RNMT: variants seen among roughly 807,000 people sequenced by gnomAD.
The protein encoded by RNMT is RNA guanine-7 methyltransferase.
A neutral mutation model predicts 56.0 loss-of-function variants in RNMT; 27 were observed. The ratio of observed to expected loss-of-function variants is 0.48; its 90% CI spans 0.36 to 0.67. RNMT has a LOEUF of 0.67. Among genes scored for constraint, RNMT ranks in the 30% least tolerant of loss-of-function variants. The pLI is 0.00. For synonymous variants in RNMT, 184 were observed against 176.2 expected, an observed-to-expected ratio of 1.04 and a Z score of -0.35; for missense variants, 519 against 552.1, an observed-to-expected ratio of 0.94 and a Z score of 0.60.
At chr18:13,734,802 C>T (rs1210227537) in intron 4 of RNMT, among the ~76,000 whole-genome samples, 13 of 151,928 alleles carry the variant, frequency 8.6e-5, no homozygotes, top group Non-Finnish European at 1.6e-4. Flanking sequence ...TTTTAATGCA[C>T]AGAATTAAGG....
In RNMT at chr18:13,763,411, C is replaced by T. The variant is rs189198164; in HGVS notation, c.*3432C>T. 6.1e-4 allele frequency: 151 copies of T among 248,142 alleles called. No individual in the cohort carries two copies. Among genetic ancestry groups the T allele is most frequent in the African/African-American group, 3.0e-3 (139 of 45,612 alleles). The allele number at this position is 248,142 out of a possible 1,614,324, so 15.4% of individuals were successfully genotyped here. On this transcript the variant is annotated 3_prime_UTR_variant, in exon 12 of 12. Coordinates refer to ENST00000383314, the MANE Select transcript of RNMT (RefSeq NM_003799.3). ...CCCACTCCTTAGTGCCTGCACCTCA[C>T]CACGATATTGAGGAAGCACAGGACA...
In RNMT at chr18:13,761,896, C is replaced by T; in HGVS notation, c.*1917C>T. 27 of 1,025,710 alleles carry T rather than the reference C, an allele frequency of 2.6e-5. No individual in the cohort carries two copies. The highest frequency in any genetic ancestry group is 1.3e-4 in the Admixed American group (2 of 15,198). 63.5% of individuals were successfully genotyped at this position (1,025,710 alleles called of 1,614,324 possible). On this transcript the variant is annotated 3_prime_UTR_variant, in exon 12 of 12. Transcript: ENST00000383314. ...GTGTCTCCTTGTTACAATTAAGTTT[C>T]TGGATATTGACTTAAGAACTGTTAG...
chr18:13,755,926 A>G (rs1250950001), intron 11 of RNMT, among the ~76,000 whole-genome samples: 1 of 152,214 alleles, frequency 6.6e-6, no homozygotes, highest in Non-Finnish European at 1.5e-5. Flanking sequence ...GCCCCAGACA[A>G]TTGGAAGAGA....
chr18:13,747,861 T>A (rs1420444525), intron 9 of RNMT, among the ~76,000 whole-genome samples: 1 of 152,210 alleles, frequency 6.6e-6, no homozygotes, highest in African/African-American at 2.4e-5. Flanking sequence ...CAAAACTATG[T>A]GTGGATAAGT....
In RNMT at chr18:13,737,152, T is replaced by C. The variant is rs746592855; in HGVS notation, c.679+17T>C. On this transcript the variant is annotated intron_variant, in intron 5 of 11. Transcript: ENST00000383314. ...TTTGTACTGGTAAGATAAATAATGATATGGGAAAGAATAATTTGTAGTCAG... is the reference window on the plus strand; with the variant it reads ...TTTGTACTGGTAAGATAAATAATGACATGGGAAAGAATAATTTGTAGTCAG... 1.9e-6 allele frequency: 3 copies of C among 1,568,520 alleles called. No homozygotes were observed. The Admixed American group carries it at 5.4e-5, about 28-fold the overall frequency.
chr18:13,742,351 AAAG>A lies in RNMT; in HGVS notation c.975-136_975-134del, dbSNP rs1468349002. 7 of 707,564 alleles carry A rather than the reference AAAG, an allele frequency of 9.9e-6. No individual in the cohort carries two copies. The South Asian group carries it at 1.1e-4, about 12-fold the overall frequency. 43.8% of individuals were successfully genotyped at this position (707,564 alleles called of 1,614,324 possible). A position where few individuals can be genotyped will look rare whatever the true frequency, so the allele number is the denominator to read the frequency against. ...CCTTGTCACTTTAAAAAAAAAAAAA[AAAG>A]GTAGCCCAGATATAATTAAAAGGCT... On this transcript the variant is annotated intron_variant, in intron 7 of 11. Coordinates refer to ENST00000383314, the MANE Select transcript of RNMT (RefSeq NM_003799.3).
intron 5 of RNMT, among the ~76,000 whole-genome samples, chr18:13,739,956 C>T (rs2044225076): frequency 6.6e-6 from 1 of 152,142 alleles, no homozygotes; most frequent in Non-Finnish European, 1.5e-5. Flanking sequence ...ACTTTTATAG[C>T]GTCCGTACCT....
intron 8 of RNMT, 64 bp from the exon 9 acceptor site, chr18:13,746,156 A>C (rs978134688): frequency 3.6e-6 from 3 of 840,258 alleles, no homozygotes; most frequent in Non-Finnish European, 3.9e-6. Flanking sequence ...ATTGCTGTAC[A>C]AAAGTAAGTT....
At chr18:13,747,454 A>G (rs1164992948) in intron 9 of RNMT, among the ~76,000 whole-genome samples, 4 of 152,144 alleles carry the variant, frequency 2.6e-5, no homozygotes, top group African/African-American at 9.7e-5. Flanking sequence ...TGGCCTCATC[A>G]AGCAATCCTC....
At position 13,739,957 on chromosome 18, in the gene RNMT, G is replaced by A. The variant is rs565930786; in HGVS notation, c.680-210G>A. ...AAAATCATGATAGAACTTTTATAGC[G>A]TCCGTACCTATTGAGACGCTTTTAG... On this transcript the variant is annotated intron_variant, in intron 5 of 11. Transcript: ENST00000383314. 7.9e-4 allele frequency among the ~76,000 whole-genome samples: 120 copies of A among 152,196 alleles called. 1 individual carries two copies. The highest frequency in any genetic ancestry group is 2.6e-3 in the African/African-American group (109 of 41,528).
In RNMT at chr18:13,740,223, C is replaced by T. The variant is rs375847538; in HGVS notation, c.736C>T (p.Arg246Cys). 42 of 1,612,626 alleles carry T rather than the reference C, an allele frequency of 2.6e-5. No homozygotes were observed. The highest frequency in any genetic ancestry group is 3.0e-5 in the Non-Finnish European group (35 of 1,178,864). Residue 246 changes from arginine (R) to cysteine (C), a missense_variant, in exon 6 of 12, where the codon CGT (arginine) becomes TGT (cysteine). Coordinates refer to ENST00000383314, the MANE Select transcript of RNMT (RefSeq NM_003799.3). ...CQQRYEDMKN[R>C]RDSEYIFSAE... ...GCAGCGGTATGAGGACATGAAAAAT[C>T]GTCGTGATAGTGAATATATTTTCAG...
chr18:13,730,993 TG>T lies in RNMT; in HGVS notation c.-43+244del, dbSNP rs2044057463. Among the ~76,000 whole-genome samples, 2 of 152,228 alleles carry T rather than the reference TG, an allele frequency of 1.3e-5. 1 individual carries two copies. On this transcript the variant is annotated intron_variant, in intron 2 of 11. Transcript: ENST00000383314. ...TTTTATGAATAAGATTATAGAATTT[TG>T]GGGGGATTATAATTAGTACTGCCAT... is the stretch of plus-strand genomic sequence containing the variant.
rs1364692774 is a variant in RNMT, at chr18:13,761,393, G to A, written c.*1414G>A. The stretch of plus-strand genomic sequence containing the variant: ...TGAGGTGGGGAAAGGAAGTCTTCCT[G>A]TCACATATGCAGGTTCGTTTTCATT... On this transcript the variant is annotated 3_prime_UTR_variant, in exon 12 of 12. Coordinates refer to ENST00000383314, the MANE Select transcript of RNMT (RefSeq NM_003799.3). 7 of 985,322 alleles carry A rather than the reference G, an allele frequency of 7.1e-6. No homozygotes were observed. In the East Asian group the frequency reaches 7.9e-4, roughly 112 times the overall value. The allele number at this position is 985,322 out of a possible 1,614,324, so 61.0% of individuals were successfully genotyped here.
At chr18:13,750,932 A>G (rs1479272039) in intron 9 of RNMT, among the ~76,000 whole-genome samples, 6 of 152,186 alleles carry the variant, frequency 3.9e-5, no homozygotes, top group Non-Finnish European at 8.8e-5. Flanking sequence ...CTGAAACTGG[A>G]TCCCTTCCTT....
intron 8 of RNMT, among the ~76,000 whole-genome samples, chr18:13,744,530 A>G (rs2149095674): frequency 6.6e-6 from 1 of 152,374 alleles, no homozygotes; most frequent in Non-Finnish European, 1.5e-5. Context: ...TTTACAAAAG[A>G]AAATGAACTG....
chr18:13,742,750 G>A (rs1473771857), intron 8 of RNMT, 98 bp downstream of exon 8: 2 of 890,958 alleles, frequency 2.2e-6, no homozygotes, highest in Non-Finnish European at 1.7e-6. Flanking sequence ...TTTAAATGAG[G>A]GCTAAAGAAA....
intron 4 of RNMT, among the ~76,000 whole-genome samples, chr18:13,736,428 G>C: frequency 6.6e-6 from 1 of 151,500 alleles, no homozygotes; most frequent in Admixed American, 6.6e-5. Context: ...TCTGTTGGCT[G>C]TTAATGTCAT....
intron 10 of RNMT, among the ~76,000 whole-genome samples, chr18:13,753,064 G>A (rs980025194): frequency 1.3e-5 from 2 of 152,122 alleles, no homozygotes; most frequent in African/African-American, 4.8e-5. Context: ...TGTGTGATAT[G>A]TACTTTATTT....
chr18:13,742,916 G>T, intron 8 of RNMT: 1 of 252,328 alleles, frequency 4.0e-6, no homozygotes, highest in South Asian at 1.2e-4. Context: ...GTGAAAAAGG[G>T]AACCAGTTGC....
Sources: gnomAD v4.1 joint callset for allele counts (sites outside exome capture counted in the v4.1 genomes callset) on GRCh38, gnomAD v4.1.1 for gene constraint, MANE v1.5 for transcripts, NCBI Gene and HGNC (gene_info 2026-07-23, HGNC 2026-07-21) for gene names.